DNAH6: variants seen among roughly 807,000 people sequenced by gnomAD.
The protein encoded by DNAH6 is dynein axonemal heavy chain 6.
In DNAH6, 340 loss-of-function variants were observed where a neutral mutation model predicts 491.4. That is an observed-to-expected ratio of 0.69 (90% CI 0.63 to 0.76). The LOEUF is 0.76. Among genes scored for constraint, DNAH6 ranks in the 30% least tolerant of loss-of-function variants. DNAH6 has a pLI of 0.00. For synonymous variants in DNAH6, 1,603 were observed against 1,686.1 expected (o/e 0.95, Z 1.21); for missense variants, 4,443 against 4,972.2 (o/e 0.89, Z 3.20).
At chr2:84,786,359 A>G (rs955025972) in intron 67 of DNAH6, among the ~76,000 whole-genome samples, 17 of 151,626 alleles carry the variant, frequency 1.1e-4, no homozygotes, top group Non-Finnish European at 1.9e-4. Flanking sequence ...CTGGGAGGTC[A>G]AGGCTGAATG....
chr2:84,624,368 T>C lies in DNAH6; in HGVS notation c.4175T>C (p.Val1392Ala). The change falls in exon 27 of 77, where the codon GTC (valine) becomes GCC (alanine). Residue 1392 changes from valine to alanine, a missense_variant. Val to Ala is a moderately conservative substitution (Grantham distance 64). Around this residue, in one of 3 missense-constraint regions of DNAH6, gnomAD observed 2,977 missense variants for 3,296.6 expected, o/e 0.90. Coordinates refer to ENST00000389394, the MANE Select transcript of DNAH6 (RefSeq NM_001370.2). Reference protein sequence around the residue: ...ITIDVHARDIVTELVQSKVET... With the variant: ...ITIDVHARDIATELVQSKVET... The stretch of plus-strand genomic sequence containing the variant: ...ATTGATGTGCATGCAAGAGATATAG[T>C]CACTGAACTTGTTCAATCCAAGGTA... The C allele has an allele frequency of 6.4e-7, 1 of 1,550,684 alleles. No individual in the cohort carries two copies. Among genetic ancestry groups the C allele is most frequent in the South Asian group, 1.2e-5 (1 of 83,724 alleles).
At position 84,718,298 on chromosome 2, in the gene DNAH6, G is replaced by A. The variant is rs780746633; in HGVS notation, c.9706G>A (p.Glu3236Lys). The change falls in exon 59 of 77, where the codon GAA becomes AAA. Residue 3236 changes from glutamate to lysine, a missense_variant. By Grantham distance (56) the Glu-to-Lys change is moderately conservative. Around this residue, in one of 3 missense-constraint regions of DNAH6, gnomAD observed 1,463 missense variants for 1,656.6 expected, o/e 0.88. Transcript: ENST00000389394. ...NTDKNQLKTI[E>K]EKILRMLFTS... ...TGATAAAAACCAGTTGAAAACTATC[G>A]AAGAGAAAATCCTGAGAATGCTCTT... 4.6e-5 allele frequency: 72 copies of A among 1,551,246 alleles called. No individual in the cohort carries two copies. The highest frequency in any genetic ancestry group is 5.5e-5 in the Non-Finnish European group (63 of 1,146,852).
intron 63 of DNAH6, chr2:84,750,681 C>G (rs1274012069): frequency 6.6e-6 from 1 of 152,086 alleles, no homozygotes; most frequent in African/African-American, 2.4e-5. Context: ...GTTCACTATT[C>G]TCTCATTTTA....
Position 84,688,577 on chromosome 2 carries a change from A to C in DNAH6, c.7276A>C (p.Ile2426Leu). 6.5e-7 allele frequency: 1 copy of C among 1,541,884 alleles called. No individual in the cohort carries two copies. Among genetic ancestry groups the C allele is most frequent in the Non-Finnish European group, 8.7e-7 (1 of 1,144,834 alleles). ...EVKLVFFQDAIEHVSRIARMI... is the reference protein window; with the variant it reads ...EVKLVFFQDALEHVSRIARMI... Reference sequence around the variant, plus strand: ...AAAGTTGGTGTTCTTCCAGGATGCTATAGAACATGTTTCAAGGTATAGTGC... The same window carrying C: ...AAAGTTGGTGTTCTTCCAGGATGCTCTAGAACATGTTTCAAGGTATAGTGC... Residue 2426 changes from isoleucine to leucine, a missense_variant, in exon 45 of 77, where the codon ATA becomes CTA. Around this residue, in one of 3 missense-constraint regions of DNAH6, gnomAD observed 2,977 missense variants for 3,296.6 expected, o/e 0.90. Coordinates refer to ENST00000389394, the MANE Select transcript of DNAH6 (RefSeq NM_001370.2).
At position 84,819,411 on chromosome 2, in the gene DNAH6, AG is replaced by A. The variant is rs1191042656; in HGVS notation, c.*5del. Reference sequence around the variant, plus strand: ...TGCTCTGCCAGCTGAGCGAATGAAAAGGTGCCACCTCAGCCCTGAAAAAGAA... The same window carrying A: ...TGCTCTGCCAGCTGAGCGAATGAAAAGTGCCACCTCAGCCCTGAAAAAGAA... On this transcript the variant is annotated 3_prime_UTR_variant, in exon 77 of 77. Coordinates refer to ENST00000389394, the MANE Select transcript of DNAH6 (RefSeq NM_001370.2). The A allele has an allele frequency of 1.3e-6, 2 of 1,544,954 alleles. No homozygotes were observed. The highest frequency in any genetic ancestry group is 2.7e-5 in the African/African-American group (2 of 72,848).
chr2:84,609,634 C>G (rs1686129914), intron 21 of DNAH6, among the ~76,000 whole-genome samples: 1 of 151,908 alleles, frequency 6.6e-6, no homozygotes, highest in Non-Finnish European at 1.5e-5. Context: ...ATAATCACAA[C>G]ATCAAAGATC....
chr2:84,607,569 C>A (rs1420400296), intron 21 of DNAH6, among the ~76,000 whole-genome samples: 1 of 152,078 alleles, frequency 6.6e-6, no homozygotes, highest in African/African-American at 2.4e-5. Context: ...TCATTCATAC[C>A]TCAAACCTCA....
intron 31 of DNAH6, among the ~76,000 whole-genome samples, chr2:84,639,492 C>T (rs1007176192): frequency 2.0e-5 from 3 of 148,824 alleles, no homozygotes; most frequent in Non-Finnish European, 4.4e-5. Flanking sequence ...GATCTCGGCT[C>T]ACTGCAACCT....
At chr2:84,463,841 T>G in the DNAH6 span, among the ~76,000 whole-genome samples, 1 of 152,222 alleles carries the variant, frequency 6.6e-6, no homozygotes, top group East Asian at 1.9e-4. Flanking sequence ...AATAAATTCA[T>G]TATAGTCCCT....
At chr2:84,565,553 A>G (rs1300293063) in intron 11 of DNAH6, among the ~76,000 whole-genome samples, 1 of 151,692 alleles carries the variant, frequency 6.6e-6, no homozygotes, top group East Asian at 1.9e-4. Context: ...CATCTTTGTC[A>G]ATTCTTGTTG....
intron 68 of DNAH6, among the ~76,000 whole-genome samples, chr2:84,793,008 T>C (rs1677923363): frequency 6.6e-6 from 1 of 152,130 alleles, no homozygotes; most frequent in African/African-American, 2.4e-5. Context: ...GAGCTCAAAG[T>C]TGGCAAAGAC....
At chr2:84,723,219 C>T (rs1192334) in intron 60 of DNAH6, among the ~76,000 whole-genome samples, 5,439 of 151,924 alleles carry the variant, frequency 0.036, 147 homozygotes, top group South Asian at 0.061. Flanking sequence ...CAGAGCGAGA[C>T]TCTGTCTCAA....
chr2:84,710,316 C>A lies in DNAH6; in HGVS notation c.9282C>A (p.Ser3094Arg). ...QANRWIRNKE[S>R]KSGLKIIKLT... Reference sequence around the variant, plus strand: ...ACCGTTGGATAAGGAACAAGGAAAGCAAAAGTGGTTTAAAGATCATTAAGC... The same window carrying A: ...ACCGTTGGATAAGGAACAAGGAAAGAAAAAGTGGTTTAAAGATCATTAAGC... Residue 3094 changes from serine to arginine, a missense_variant, in exon 56 of 77, where the codon AGC (serine) becomes AGA (arginine). Coordinates refer to ENST00000389394, the MANE Select transcript of DNAH6 (RefSeq NM_001370.2). 6.4e-7 allele frequency: 1 copy of A among 1,551,590 alleles called. No homozygotes were observed. The highest frequency in any genetic ancestry group is 8.7e-7 in the Non-Finnish European group (1 of 1,146,908).
chr2:84,650,555 A>G (rs1364350347), intron 33 of DNAH6, among the ~76,000 whole-genome samples: 1 of 149,944 alleles, frequency 6.7e-6, no homozygotes, highest in Admixed American at 6.6e-5. Context: ...TTGTGTTCAT[A>G]ATGGGTCCTT....
chr2:84,565,669 C>T (rs186637480), intron 11 of DNAH6, among the ~76,000 whole-genome samples: 41 of 152,054 alleles, frequency 2.7e-4, no homozygotes, highest in African/African-American at 9.4e-4. Context: ...TGATCAGTCA[C>T]TGTTAGTGGG....
chr2:84,489,414 T>G, the DNAH6 span, among the ~76,000 whole-genome samples: 1 of 152,146 alleles, frequency 6.6e-6, no homozygotes, highest in South Asian at 2.1e-4. Flanking sequence ...TCTTTTATGA[T>G]ATGATAAACC....
At chr2:84,619,995 C>A in intron 24 of DNAH6, 91 bp downstream of exon 24, 1 of 1,128,204 alleles carries the variant, frequency 8.9e-7, no homozygotes, top group Non-Finnish European at 1.3e-6. Flanking sequence ...ACTCTGTTGG[C>A]TCAGCAGTTT....
chr2:84,517,620 C>T (rs777118882), intron 1 of DNAH6, among the ~76,000 whole-genome samples, 199 bp from the exon 2 acceptor site: 1 of 152,124 alleles, frequency 6.6e-6, no homozygotes, highest in Non-Finnish European at 1.5e-5. Context: ...GTTCTTGAAG[C>T]CTAGGCACAG....
At chr2:84,480,877 C>T in the DNAH6 span, among the ~76,000 whole-genome samples, 1 of 151,676 alleles carries the variant, frequency 6.6e-6, no homozygotes, top group Non-Finnish European at 1.5e-5. Flanking sequence ...GCAGGAGAAT[C>T]GATTGAACCT....
Sources: gnomAD v4.1 joint callset for allele counts (sites outside exome capture counted in the v4.1 genomes callset) on GRCh38, gnomAD v4.1.1 for gene constraint, gnomAD v4.1.1 regional missense constraint, MANE v1.5 for transcripts, NCBI Gene and HGNC (gene_info 2026-07-23, HGNC 2026-07-21) for gene names.